USP34: variants seen among roughly 807,000 people sequenced by gnomAD.
USP34 encodes the protein ubiquitin specific peptidase 34.
In USP34, 70 loss-of-function variants were observed where a neutral mutation model predicts 460.3. The observed-to-expected ratio is 0.15, with a 90% confidence interval of 0.13 to 0.19. The LOEUF (loss-of-function observed/expected upper bound fraction) is 0.19, where lower values mean the gene tolerates loss of function less well. Among genes scored for constraint, USP34 ranks in the 10% least tolerant of loss-of-function variants. The pLI, the probability that USP34 is intolerant of heterozygous loss-of-function variation, is 1.00. For synonymous variants in USP34, 1,647 were observed against 1,405.3 expected, an observed-to-expected ratio of 1.17 and a Z score of -3.85; for missense variants, 3,985 against 4,236.2, an observed-to-expected ratio of 0.94 and a Z score of 1.65.
Position 61,406,119 on chromosome 2 carries a change from T to A in USP34, c.141A>T (p.Leu47=). 2 of 1,593,614 alleles carry A rather than the reference T, an allele frequency of 1.3e-6. No homozygotes were observed. Among genetic ancestry groups the A allele is most frequent in the African/African-American group, 1.3e-5 (1 of 74,090 alleles). The change falls in exon 3 of 80, where the codon CTA becomes CTT. Residue 47 remains leucine, a synonymous_variant. Coordinates refer to ENST00000398571, the MANE Select transcript of USP34 (RefSeq NM_014709.4). ...AATGCTTATATTCCTTGAAGCAGCATAGACATTGCCTATAAGAGAAAAAAA... is the reference window on the plus strand; with the variant it reads ...AATGCTTATATTCCTTGAAGCAGCAAAGACATTGCCTATAAGAGAAAAAAA... ...YINSWTQRQC[L]CCFKEYKHLE...
At chr2:61,401,385 G>A (rs974365362) in intron 3 of USP34, among the ~76,000 whole-genome samples, 27 of 150,022 alleles carry the variant, frequency 1.8e-4, no homozygotes, top group Admixed American at 1.3e-3. Context: ...CTACAGGCGT[G>A]CACCACTACG....
intron 5 of USP34, among the ~76,000 whole-genome samples, chr2:61,389,126 A>T (rs889554504): frequency 3.6e-4 from 55 of 152,284 alleles, no homozygotes; most frequent in African/African-American, 1.2e-3. Flanking sequence ...AACTTTGTTT[A>T]AAAAAAGCAG....
intron 78 of USP34, chr2:61,189,311 T>C (rs962123012): frequency 2.4e-5 from 9 of 372,930 alleles, no homozygotes; most frequent in Admixed American, 1.8e-4. Context: ...TCTTGTTCTT[T>C]GGCAAGGCTG....
At chr2:61,352,222 T>C (rs1691962112) in intron 10 of USP34, among the ~76,000 whole-genome samples, 1 of 152,168 alleles carries the variant, frequency 6.6e-6, no homozygotes, top group Non-Finnish European at 1.5e-5. Flanking sequence ...TCTCAATTTG[T>C]ACTAACAGTT....
chr2:61,304,692 C>T (rs1361295174), intron 27 of USP34, among the ~76,000 whole-genome samples: 1 of 152,164 alleles, frequency 6.6e-6, no homozygotes, highest in East Asian at 1.9e-4. Flanking sequence ...GGTTCCAGAC[C>T]ATGAGAAATA....
intron 34 of USP34, among the ~76,000 whole-genome samples, chr2:61,288,037 A>G (rs1420195168): frequency 6.6e-6 from 1 of 152,216 alleles, no homozygotes; most frequent in African/African-American, 2.4e-5. Flanking sequence ...TTCTTCTGTC[A>G]GCATTTATCT....
intron 5 of USP34, among the ~76,000 whole-genome samples, chr2:61,392,120 T>C (rs1693366147): frequency 6.6e-6 from 1 of 152,100 alleles, no homozygotes; most frequent in African/African-American, 2.4e-5. Context: ...TTGTATTTAG[T>C]AAAGGATAAC....
At chr2:61,279,398 C>T (rs1470277690) in intron 39 of USP34, among the ~76,000 whole-genome samples, 1 of 152,174 alleles carries the variant, frequency 6.6e-6, no homozygotes, top group Non-Finnish European at 1.5e-5. Flanking sequence ...AACTTAGACA[C>T]ATTTTAGTCG....
intron 43 of USP34, among the ~76,000 whole-genome samples, chr2:61,264,960 G>T (rs1268723259): frequency 4.6e-5 from 7 of 152,118 alleles, no homozygotes; most frequent in South Asian, 4.1e-4. Flanking sequence ...AACAAATTAG[G>T]TCCACAATTT....
chr2:61,382,829 T>C (rs1231925703), intron 6 of USP34, among the ~76,000 whole-genome samples: 1 of 152,136 alleles, frequency 6.6e-6, no homozygotes, highest in Non-Finnish European at 1.5e-5. Context: ...CCTAGAACTC[T>C]CAAGCCACCT....
At chr2:61,264,634 C>G (rs560881590) in intron 43 of USP34, among the ~76,000 whole-genome samples, 1 of 152,140 alleles carries the variant, frequency 6.6e-6, no homozygotes, top group East Asian at 1.9e-4. Context: ...GACACTGAGT[C>G]CTGCCTCAAA....
intron 27 of USP34, among the ~76,000 whole-genome samples, chr2:61,307,917 C>A (rs533661703): frequency 3.9e-5 from 6 of 152,028 alleles, no homozygotes; most frequent in Non-Finnish European, 7.4e-5. Flanking sequence ...GGCATGATGG[C>A]CGGCACCTGT....
At chr2:61,334,901 A>G (rs1355120578) in intron 18 of USP34, among the ~76,000 whole-genome samples, 1 of 152,198 alleles carries the variant, frequency 6.6e-6, no homozygotes, top group Non-Finnish European at 1.5e-5. Flanking sequence ...TACATGGCTA[A>G]AGATTTTTAA....
intron 5 of USP34, among the ~76,000 whole-genome samples, chr2:61,387,647 AAT>A (rs979860427): frequency 1.2e-4 from 17 of 147,298 alleles, no homozygotes; most frequent in East Asian, 5.9e-4. Context: ...CATATATAAA[AAT>A]ATATATTTTA....
chr2:61,244,657 C>T (rs1230771626), intron 51 of USP34, among the ~76,000 whole-genome samples: 1 of 151,546 alleles, frequency 6.6e-6, no homozygotes, highest in Non-Finnish European at 1.5e-5. Context: ...AATTATGTCA[C>T]ATAGAAGATG....
chr2:61,428,865 CAG>C (rs1409995801), intron 1 of USP34, among the ~76,000 whole-genome samples: 1 of 152,064 alleles, frequency 6.6e-6, no homozygotes, highest in Non-Finnish European at 1.5e-5. Context: ...CAATAACCAA[CAG>C]AGATATCAAT....
At chr2:61,463,032 A>C (rs1331020982) in intron 1 of USP34, among the ~76,000 whole-genome samples, 1 of 152,010 alleles carries the variant, frequency 6.6e-6, no homozygotes, top group Non-Finnish European at 1.5e-5. Flanking sequence ...TCCATCTCCA[A>C]AGGGGGGAAA....
intron 62 of USP34, among the ~76,000 whole-genome samples, chr2:61,224,117 G>C (rs1267456586): frequency 6.6e-6 from 1 of 152,180 alleles, no homozygotes; most frequent in Non-Finnish European, 1.5e-5. Context: ...CACATTTCCT[G>C]AAGTTTCTAA....
intron 42 of USP34, 26 bp downstream of exon 42, chr2:61,265,958 G>A (rs1463529740): frequency 6.5e-7 from 1 of 1,529,490 alleles, no homozygotes; most frequent in Admixed American, 1.9e-5. Context: ...AATCTATAAA[G>A]ATTAAAGGAA....
Sources: allele counts gnomAD v4.1 joint callset (sites outside exome capture counted in the v4.1 genomes callset), GRCh38; gene constraint gnomAD v4.1.1; transcripts MANE v1.5; gene names NCBI Gene and HGNC (gene_info 2026-07-23, HGNC 2026-07-21).